Variants in PSEN1 observed in about 807,000 individuals in gnomAD.
PSEN1 encodes presenilin 1.
In PSEN1, 15 loss-of-function variants were observed where a neutral mutation model predicts 53.5. The observed-to-expected ratio is 0.28, with a 90% CI of 0.19 to 0.43. PSEN1 has a LOEUF of 0.43. Among genes scored for constraint, PSEN1 ranks in the 20% least tolerant of loss-of-function variants. The probability of loss-of-function intolerance (pLI) is 1.00; values close to 1 mark genes in which losing one functional copy is unlikely to be tolerated. For synonymous variants in PSEN1, 208 were observed against 209.8 expected, an observed-to-expected ratio of 0.99 and a Z score of 0.08; for missense variants, 387 against 571.2, an observed-to-expected ratio of 0.68 and a Z score of 3.29.
At chr14:73,218,512 T>TA (rs1900015005) in intron 11 of PSEN1, among the ~76,000 whole-genome samples, 1 of 152,192 alleles carries the variant, frequency 6.6e-6, no homozygotes, top group Non-Finnish European at 1.5e-5. Context: ...TGAACTCTAT[T>TA]ATATGGCTTG....
intron 8 of PSEN1, among the ~76,000 whole-genome samples, chr14:73,199,354 ATG>A (rs1165103451): frequency 6.6e-6 from 1 of 152,220 alleles, no homozygotes; most frequent in East Asian, 1.9e-4. Context: ...TGTTTAGAGA[ATG>A]AGACAAGAGA....
intron 7 of PSEN1, 170 bp from the exon 8 acceptor site, chr14:73,197,861 C>T (rs1391552196): frequency 4.9e-6 from 3 of 608,736 alleles, no homozygotes; most frequent in Non-Finnish European, 2.9e-6. Flanking sequence ...TTGTCTCCCC[C>T]ACCCCCACCA....
intron 1 of PSEN1, among the ~76,000 whole-genome samples, chr14:73,139,921 A>G (rs138803782): frequency 2.0e-5 from 3 of 152,326 alleles, no homozygotes; most frequent in African/African-American, 7.2e-5. Context: ...AAGTTGATCA[A>G]AGCAAAAGAA....
At position 73,201,111 on chromosome 14, in the gene PSEN1, CAG is replaced by C. The variant is rs1455263023; in HGVS notation, c.868+2985_868+2986del. 2.7e-5 allele frequency among the ~76,000 whole-genome samples: 4 copies of C among 150,134 alleles called. No homozygotes were observed. The South Asian group carries it at 6.2e-4, about 23-fold the overall frequency. On this transcript the variant is annotated intron_variant, in intron 8 of 11. Coordinates refer to ENST00000324501, the MANE Select transcript of PSEN1 (RefSeq NM_000021.4). ...TGTTTGTTTGTTTGTTTGTTTGTGG[CAG>C]AGTCTTGCTGTGTCGCCCAGGCTGG...
intron 6 of PSEN1, among the ~76,000 whole-genome samples, chr14:73,188,915 C>T (rs1188045237): frequency 3.3e-5 from 5 of 152,030 alleles, no homozygotes; most frequent in African/African-American, 1.2e-4. Flanking sequence ...CAAGGCCTCC[C>T]AAGTAGCTGG....
At chr14:73,169,052 G>T (rs1278846863) in intron 3 of PSEN1, 1 of 152,216 alleles carries the variant, frequency 6.6e-6, no homozygotes, top group East Asian at 1.9e-4. Flanking sequence ...CCATGAGGGG[G>T]TCAAGGGAAT....
At chr14:73,149,092 A>G (rs1315075463) in intron 3 of PSEN1, among the ~76,000 whole-genome samples, 3 of 152,192 alleles carry the variant, frequency 2.0e-5, no homozygotes. Context: ...ATCCAGTTGC[A>G]CTAGGTGTGG....
chr14:73,184,833 C>T (rs1898423193), intron 5 of PSEN1, among the ~76,000 whole-genome samples: 2 of 151,776 alleles, frequency 1.3e-5, no homozygotes, highest in Non-Finnish European at 2.9e-5. Context: ...GGCGGAGGGG[C>T]TCCTCACTTC....
intron 5 of PSEN1, among the ~76,000 whole-genome samples, chr14:73,181,587 C>CAT: frequency 1.3e-5 from 2 of 152,178 alleles, no homozygotes; most frequent in African/African-American, 4.8e-5. Context: ...AGTGAGACCC[C>CAT]AGTCTCTTAA....
At chr14:73,202,464 T>TA (rs1899263554) in intron 8 of PSEN1, among the ~76,000 whole-genome samples, 15 of 19,272 alleles carry the variant, frequency 7.8e-4, no homozygotes, top group East Asian at 4.9e-3. Flanking sequence ...ATATATATAT[T>TA]TTTTTTTTTT....
At chr14:73,151,051 G>C (rs1897207338) in intron 3 of PSEN1, among the ~76,000 whole-genome samples, 1 of 151,756 alleles carries the variant, frequency 6.6e-6, no homozygotes, top group Non-Finnish European at 1.5e-5. Flanking sequence ...CTGGGCGACA[G>C]AGTGAGACTC....
intron 3 of PSEN1, among the ~76,000 whole-genome samples, chr14:73,158,583 A>G (rs1224822892): frequency 6.6e-6 from 1 of 152,090 alleles, no homozygotes; most frequent in East Asian, 1.9e-4. Context: ...CGGCCCCCCA[A>G]AGTGTTGGGA....
intron 8 of PSEN1, among the ~76,000 whole-genome samples, chr14:73,202,426 A>G (rs1484061981): frequency 1.1e-4 from 1 of 9,194 alleles, no homozygotes; most frequent in Non-Finnish European, 2.0e-4. Context: ...TACTATATAT[A>G]TATATATATA....
At position 73,174,640 on chromosome 14, in the gene PSEN1, A is replaced by C. The variant is rs202088076; in HGVS notation, c.480+933A>C. ...AACACTGTAGGATATAATGGTCCCTATAAAATACGGTATAACTAAAATCAG... is the reference window on the plus strand; with the variant it reads ...AACACTGTAGGATATAATGGTCCCTCTAAAATACGGTATAACTAAAATCAG... On this transcript the variant is annotated intron_variant, in intron 5 of 11. Coordinates refer to ENST00000324501, the MANE Select transcript of PSEN1 (RefSeq NM_000021.4). 3.3e-5 allele frequency among the ~76,000 whole-genome samples: 5 copies of C among 152,228 alleles called. No homozygotes were observed. The East Asian group carries it at 9.6e-4, about 29-fold the overall frequency.
intron 11 of PSEN1, among the ~76,000 whole-genome samples, chr14:73,218,086 C>CTT (rs58637970): frequency 1.9e-3 from 189 of 97,872 alleles, no homozygotes; most frequent in African/African-American, 3.1e-3. Context: ...CCGCACCTGG[C>CTT]TTTTTTTTTT....
chr14:73,209,696 G>A (rs1899600459), intron 9 of PSEN1, among the ~76,000 whole-genome samples: 1 of 152,204 alleles, frequency 6.6e-6, no homozygotes, highest in South Asian at 2.1e-4. Flanking sequence ...GTTTATAATA[G>A]GGGAATTTTA....
chr14:73,191,763 G>T (rs765330647), intron 6 of PSEN1, among the ~76,000 whole-genome samples: 10 of 151,984 alleles, frequency 6.6e-5, no homozygotes, highest in Non-Finnish European at 1.5e-4. Flanking sequence ...GCCCAGGCTC[G>T]TCTGGAATTC....
chr14:73,168,970 CACTCGCTT>C (rs1594994852), intron 3 of PSEN1: 1 of 152,284 alleles, frequency 6.6e-6, no homozygotes, highest in East Asian at 1.9e-4. Context: ...CACACTCACT[CACTCGCTT>C]GCACACTGCC....
chr14:73,144,587 A>G (rs148143836), intron 1 of PSEN1, among the ~76,000 whole-genome samples: 2 of 151,908 alleles, frequency 1.3e-5, no homozygotes, highest in South Asian at 2.1e-4. Context: ...GTGAATTCCA[A>G]CTCCTCACTT....
Sources: allele counts gnomAD v4.1 joint callset (sites outside exome capture counted in the v4.1 genomes callset), GRCh38; gene constraint gnomAD v4.1.1; transcripts MANE v1.5; gene names NCBI Gene and HGNC (gene_info 2026-07-23, HGNC 2026-07-21).